Variants in RBFOX1 observed in about 807,000 individuals in gnomAD.
RBFOX1 encodes RNA binding protein fox-1 homolog 1.
In RBFOX1, 8 loss-of-function variants were observed where a neutral mutation model predicts 57.7. The ratio of observed to expected loss-of-function variants is 0.14; its 90% CI spans 0.08 to 0.25. The LOEUF (loss-of-function observed/expected upper bound fraction) is 0.25. Ranked by LOEUF, RBFOX1 falls within the 10% of genes least tolerant of loss-of-function variation. The pLI is 1.00. For missense variants in RBFOX1, 611 were observed against 548.5 expected (o/e 1.11, Z -1.14); for synonymous variants, 326 against 222.4 (o/e 1.47, Z -4.15).
chr16:5,569,467 T>TTTTTTTTTTTTTTTTTTTTTG (rs1567240836), intron 2 of RBFOX1, among the ~76,000 whole-genome samples: 1 of 83,428 alleles, frequency 1.2e-5, no homozygotes. Flanking sequence ...TTTTTTTTTT[T>TTTTTTTTTTTTTTTTTTTTTG]CTTCTTCTTT....
chr16:7,446,157 A>T (rs1388725653), intron 4 of RBFOX1, among the ~76,000 whole-genome samples: 1 of 152,218 alleles, frequency 6.6e-6, no homozygotes, highest in East Asian at 1.9e-4. Context: ...AGGAAAGAGC[A>T]TTGTCATTGA....
chr16:6,945,907 C>A (rs961582218), intron 3 of RBFOX1, among the ~76,000 whole-genome samples: 4 of 152,182 alleles, frequency 2.6e-5, no homozygotes, highest in African/African-American at 7.2e-5. Flanking sequence ...AAAAAGGAAT[C>A]TGCTGGTGCT....
At chr16:7,394,723 A>G (rs2098113240) in intron 4 of RBFOX1, among the ~76,000 whole-genome samples, 1 of 152,184 alleles carries the variant, frequency 6.6e-6, no homozygotes, top group South Asian at 2.1e-4. Flanking sequence ...TGAGGCATGA[A>G]TAACAGCAGT....
Position 6,968,918 on chromosome 16 carries a change from A to C in RBFOX1, c.-15-83139A>C, listed in dbSNP as rs184275939. Among the ~76,000 whole-genome samples the C allele has an allele frequency of 1.5e-3, 233 of 151,940 alleles. 4 individuals carry two copies. The highest frequency in any genetic ancestry group is 0.013 in the Admixed American group (198 of 15,246). Reference sequence around the variant, plus strand: ...TCAGGATTCACATAATAAGCTCATTAGAGGAAAGTTCCCAGTCCCACAGTG... The same window carrying C: ...TCAGGATTCACATAATAAGCTCATTCGAGGAAAGTTCCCAGTCCCACAGTG... On this transcript the variant is annotated intron_variant, in intron 3 of 15. Transcript: ENST00000550418.
chr16:5,933,042 A>T (rs1335951805), intron 4 of RBFOX1, among the ~76,000 whole-genome samples: 1 of 152,234 alleles, frequency 6.6e-6, no homozygotes, highest in African/African-American at 2.4e-5. Flanking sequence ...AGAGCCGAGG[A>T]AGCTGCAGCA....
chr16:6,924,723 C>T (rs965039755), intron 3 of RBFOX1, among the ~76,000 whole-genome samples: 7 of 151,454 alleles, frequency 4.6e-5, no homozygotes, highest in African/African-American at 1.5e-4. Context: ...GGTACATGTG[C>T]ACAACGTGCA....
At chr16:6,743,263 G>C (rs1014825694) in intron 3 of RBFOX1, among the ~76,000 whole-genome samples, 1 of 152,062 alleles carries the variant, frequency 6.6e-6, no homozygotes, top group African/African-American at 2.4e-5. Flanking sequence ...CAAAAAAGAG[G>C]AAAAGGGAAA....
At chr16:6,370,701 G>T (rs2090310647) in intron 2 of RBFOX1, among the ~76,000 whole-genome samples, 3 of 152,156 alleles carry the variant, frequency 2.0e-5, no homozygotes, top group Admixed American at 2.0e-4. Flanking sequence ...ATGGGGAGTT[G>T]ATGTTTAACG....
At chr16:7,168,807 A>G (rs985909936) in intron 4 of RBFOX1, among the ~76,000 whole-genome samples, 8 of 152,220 alleles carry the variant, frequency 5.3e-5, no homozygotes, top group African/African-American at 1.9e-4. Context: ...ATAAACTGTT[A>G]TTCTAATGAA....
At chr16:5,249,182 C>G (rs2062381883) in intron 1 of RBFOX1, among the ~76,000 whole-genome samples, 1 of 152,114 alleles carries the variant, frequency 6.6e-6, no homozygotes, top group African/African-American at 2.4e-5. Context: ...TTTCCTTTTC[C>G]TTGTGTTCAG....
intron 2 of RBFOX1, among the ~76,000 whole-genome samples, chr16:6,533,907 A>G (rs1320205417): frequency 1.3e-5 from 2 of 152,186 alleles, no homozygotes; most frequent in African/African-American, 4.8e-5. Flanking sequence ...TTTGTCCCAT[A>G]AAAAGACATT....
At chr16:6,978,394 T>A (rs1377443942) in intron 3 of RBFOX1, among the ~76,000 whole-genome samples, 3 of 152,200 alleles carry the variant, frequency 2.0e-5, no homozygotes, top group Non-Finnish European at 4.4e-5. Flanking sequence ...ATGAGGACAA[T>A]GACAGCTACC....
At chr16:7,379,768 T>G (rs551627787) in intron 4 of RBFOX1, among the ~76,000 whole-genome samples, 1 of 150,570 alleles carries the variant, frequency 6.6e-6, no homozygotes, top group African/African-American at 2.4e-5. Context: ...CTGCCTGCCT[T>G]CCTGCCTTCC....
chr16:7,130,797 G>C (rs531342686), intron 4 of RBFOX1, among the ~76,000 whole-genome samples: 2 of 152,016 alleles, frequency 1.3e-5, no homozygotes, highest in Admixed American at 6.6e-5. Context: ...TTAAAAAATG[G>C]AGGAAAACTG....
intron 1 of RBFOX1, among the ~76,000 whole-genome samples, chr16:5,305,805 C>T (rs1472942411): frequency 6.6e-6 from 1 of 152,136 alleles, no homozygotes; most frequent in Non-Finnish European, 1.5e-5. Flanking sequence ...TCCCTATCAT[C>T]CCAGCAAGTC....
rs191307886 is a variant in RBFOX1, at chr16:6,544,573, G to T, written c.-63-110030G>T. 3.9e-5 allele frequency among the ~76,000 whole-genome samples: 6 copies of T among 152,070 alleles called. No homozygotes were observed. In the East Asian group the frequency reaches 5.8e-4, roughly 15 times the overall value. On this transcript the variant is annotated intron_variant, in intron 2 of 15. Coordinates refer to ENST00000550418, the MANE Select transcript of RBFOX1 (RefSeq NM_018723.4). ...TTGGTATTGTTTTCTCTTAGCATTC[G>T]ATCGTATTGATTCAAATGCTGTTTT...
chr16:7,660,064 C>G (rs1265741589), intron 12 of RBFOX1, among the ~76,000 whole-genome samples: 1 of 152,122 alleles, frequency 6.6e-6, no homozygotes, highest in East Asian at 1.9e-4. Context: ...CAATTGTAAA[C>G]AGCCTTTTCT....
chr16:5,369,075 C>T (rs1316095941), intron 1 of RBFOX1, among the ~76,000 whole-genome samples: 3 of 152,136 alleles, frequency 2.0e-5, no homozygotes, highest in Non-Finnish European at 2.9e-5. Context: ...CATCTTGGTT[C>T]ACTGCAGCTT....
At chr16:5,657,531 G>A (rs960288700) in intron 3 of RBFOX1, among the ~76,000 whole-genome samples, 1 of 152,086 alleles carries the variant, frequency 6.6e-6, no homozygotes, top group Admixed American at 6.6e-5. Context: ...TGGCTCAGCT[G>A]TCATATAGAG....
Sources: gnomAD v4.1 joint callset for allele counts (sites outside exome capture counted in the v4.1 genomes callset) on GRCh38, gnomAD v4.1.1 for gene constraint, MANE v1.5 for transcripts, NCBI Gene and HGNC (gene_info 2026-07-23, HGNC 2026-07-21) for gene names.